ENPP6: variants seen among roughly 807,000 people sequenced by gnomAD.
ENPP6 encodes ectonucleotide pyrophosphatase/phosphodiesterase 6, also known as glycerophosphocholine cholinephosphodiesterase ENPP6.
ENPP6 carries 32 observed loss-of-function variants against 42.0 expected under a neutral mutation model. That is an observed-to-expected ratio of 0.76 (90% CI 0.58 to 1.02). The LOEUF is 1.02. ENPP6 is among the 50% of genes least tolerant of loss of function. The pLI is 0.00. For missense variants in ENPP6, 552 were observed against 566.8 expected (o/e 0.97, Z 0.27); for synonymous variants, 213 against 216.0 (o/e 0.99, Z 0.12).
chr4:184,113,904 TTTC>T (rs1159353731), intron 5 of ENPP6, among the ~76,000 whole-genome samples: 26 of 63,546 alleles, frequency 4.1e-4, no homozygotes, highest in African/African-American at 1.0e-3. Context: ...CTTTCTTTTC[TTTC>T]TTTCTTTCTT....
At chr4:184,194,023 C>T (rs1319369531) in intron 1 of ENPP6, among the ~76,000 whole-genome samples, 1 of 152,186 alleles carries the variant, frequency 6.6e-6, no homozygotes, top group African/African-American at 2.4e-5. Flanking sequence ...TCCCTGATAG[C>T]TCTTTGCCTC....
chr4:184,105,623 G>T (rs539946076), intron 6 of ENPP6, among the ~76,000 whole-genome samples: 1 of 152,154 alleles, frequency 6.6e-6, no homozygotes, highest in East Asian at 1.9e-4. Flanking sequence ...AATTGAGGAG[G>T]TACTTCATTC....
At chr4:184,159,899 G>A (rs1340129899) in intron 1 of ENPP6, among the ~76,000 whole-genome samples, 4 of 152,110 alleles carry the variant, frequency 2.6e-5, no homozygotes, top group Non-Finnish European at 5.9e-5. Flanking sequence ...GAGAACATGC[G>A]ATATTTGGTT....
chr4:184,186,793 A>G (rs1579655445), intron 1 of ENPP6, among the ~76,000 whole-genome samples: 1 of 152,182 alleles, frequency 6.6e-6, no homozygotes, highest in African/African-American at 2.4e-5. Flanking sequence ...AGTCTCCTAC[A>G]GGCCTCTCTG....
chr4:184,112,549 G>T (rs182787696), intron 6 of ENPP6, 123 bp downstream of exon 6: 1 of 1,198,942 alleles, frequency 8.3e-7, no homozygotes, highest in Non-Finnish European at 1.1e-6. Flanking sequence ...AAGACATAAC[G>T]CAACAAACGA....
At chr4:184,183,289 A>G (rs1478541649) in intron 1 of ENPP6, among the ~76,000 whole-genome samples, 1 of 152,260 alleles carries the variant, frequency 6.6e-6, no homozygotes, top group Non-Finnish European at 1.5e-5. Flanking sequence ...ATGTAGAAAT[A>G]TGTAAATAGC....
chr4:184,196,175 G>C (rs530552400), intron 1 of ENPP6, among the ~76,000 whole-genome samples: 1 of 152,326 alleles, frequency 6.6e-6, no homozygotes, highest in East Asian at 1.9e-4. Flanking sequence ...CCTTCCTCCA[G>C]GTTTCAAGCT....
rs770666355 is a variant in ENPP6 at position 184,196,838 on chromosome 4, A to G, written c.241+20741T>C. 3.7e-4 allele frequency among the ~76,000 whole-genome samples: 57 copies of G among 152,320 alleles called. 1 individual carries two copies. Among genetic ancestry groups the G allele is most frequent in the Non-Finnish European group, 7.4e-4 (50 of 68,022 alleles). On this transcript the variant is annotated intron_variant, in intron 1 of 7. Coordinates refer to ENST00000296741, the MANE Select transcript of ENPP6 (RefSeq NM_153343.4). Reference sequence around the variant, plus strand: ...ATTCCATCCCAACAGGCGTCTCACAACTGGCTGCAAGAACCCTGATGGTCC... The same window carrying G: ...ATTCCATCCCAACAGGCGTCTCACAGCTGGCTGCAAGAACCCTGATGGTCC...
Position 184,208,532 on chromosome 4 carries a change from G to A in ENPP6, c.241+9047C>T, listed in dbSNP as rs560316861. Among the ~76,000 whole-genome samples the A allele has an allele frequency of 7.4e-4, 113 of 152,184 alleles. 1 individual carries two copies. The highest frequency in any genetic ancestry group is 1.8e-3 in the Admixed American group (27 of 15,298). ...CACCCAAATACTGCGCTTTTCCGAC[G>A]GGCTTAAAAAACGGCGGACCACGAG... On this transcript the variant is annotated intron_variant, in intron 1 of 7. Coordinates refer to ENST00000296741, the MANE Select transcript of ENPP6 (RefSeq NM_153343.4).
chr4:184,212,079 G>A (rs1733122216), intron 1 of ENPP6, among the ~76,000 whole-genome samples: 1 of 151,634 alleles, frequency 6.6e-6, no homozygotes, highest in South Asian at 2.1e-4. Flanking sequence ...GGTATTGATG[G>A]GACTTATTTC....
chr4:184,113,562 T>A (rs1736249424), intron 5 of ENPP6, among the ~76,000 whole-genome samples: 1 of 152,180 alleles, frequency 6.6e-6, no homozygotes, highest in African/African-American at 2.4e-5. Flanking sequence ...CATGCTCTAA[T>A]ATTATGTCAA....
chr4:184,214,146 C>T (rs1291134613), intron 1 of ENPP6, among the ~76,000 whole-genome samples: 7 of 140,518 alleles, frequency 5.0e-5, no homozygotes, highest in East Asian at 2.0e-4. Context: ...TGCTAGATGA[C>T]GAGTTAGTGG....
chr4:184,153,748 A>G lies in ENPP6; in HGVS notation c.242-15T>C. 1 of 1,611,032 alleles carries G rather than the reference A, an allele frequency of 6.2e-7. No homozygotes were observed. Among genetic ancestry groups the G allele is most frequent in the Non-Finnish European group, 8.5e-7 (1 of 1,178,556 alleles). Reference sequence around the variant, plus strand: ...ACAATGGCGGCCTATGTCAATGAGAACACAGCTGTCAGTTTACGGTTCTGG... The same window carrying G: ...ACAATGGCGGCCTATGTCAATGAGAGCACAGCTGTCAGTTTACGGTTCTGG... On this transcript the variant is annotated splice_polypyrimidine_tract_variant and intron_variant, in intron 1 of 7. Transcript: ENST00000296741.
intron 1 of ENPP6, among the ~76,000 whole-genome samples, chr4:184,154,399 T>C (rs1737118743): frequency 1.3e-5 from 2 of 152,322 alleles, no homozygotes; most frequent in South Asian, 2.1e-4. Context: ...ACATTAGGCT[T>C]AAATTATTTA....
At chr4:184,191,954 A>C (rs1286722660) in intron 1 of ENPP6, among the ~76,000 whole-genome samples, 2 of 152,256 alleles carry the variant, frequency 1.3e-5, no homozygotes, top group Non-Finnish European at 2.9e-5. Flanking sequence ...GCTGAAAGCT[A>C]CAAAGCATTG....
chr4:184,134,285 A>C (rs1487117571), intron 2 of ENPP6, among the ~76,000 whole-genome samples: 1 of 151,938 alleles, frequency 6.6e-6, no homozygotes, highest in East Asian at 1.9e-4. Flanking sequence ...GGCTTGATTT[A>C]TCTTTATGCA....
chr4:184,189,545 C>T (rs1732686255), intron 1 of ENPP6, among the ~76,000 whole-genome samples: 1 of 152,218 alleles, frequency 6.6e-6, no homozygotes. Flanking sequence ...GCAGCACTGG[C>T]AGTGAACGGG....
chr4:184,119,028 A>T (rs1021839622), intron 3 of ENPP6, among the ~76,000 whole-genome samples: 1 of 152,178 alleles, frequency 6.6e-6, no homozygotes, highest in Non-Finnish European at 1.5e-5. Context: ...AAGAAAAATG[A>T]TCCAAAACTT....
chr4:184,132,379 A>G (rs1736651581), intron 2 of ENPP6, among the ~76,000 whole-genome samples: 1 of 131,700 alleles, frequency 7.6e-6, no homozygotes, highest in Non-Finnish European at 1.7e-5. Context: ...GTTAGCTCAT[A>G]TTTTTCTATT....
Sources: gnomAD v4.1 joint callset for allele counts (sites outside exome capture counted in the v4.1 genomes callset) on GRCh38, gnomAD v4.1.1 for gene constraint, MANE v1.5 for transcripts, NCBI Gene and HGNC (gene_info 2026-07-23, HGNC 2026-07-21) for gene names.